The following SLC5A10 variants were observed in gnomAD, a reference collection of about 807,000 sequenced individuals.
SLC5A10 encodes solute carrier family 5 member 10.
SLC5A10 carries 55 observed loss-of-function variants against 68.9 expected under a neutral mutation model. That is an observed-to-expected ratio of 0.80 (90% CI 0.64 to 1.00). SLC5A10 has a LOEUF of 1.00. Ranked by LOEUF, SLC5A10 falls within the 50% of genes least tolerant of loss-of-function variation. The probability of loss-of-function intolerance (pLI) is 0.00; values close to 1 mark genes in which losing one functional copy is unlikely to be tolerated. For synonymous variants in SLC5A10, 344 were observed against 344.8 expected (o/e 1.00, Z 0.02); for missense variants, 732 against 819.3 (o/e 0.89, Z 1.30).
intron 9 of SLC5A10, among the ~76,000 whole-genome samples, chr17:19,002,257 G>C (rs2043749521): frequency 6.6e-6 from 1 of 152,152 alleles, no homozygotes; most frequent in African/African-American, 2.4e-5. Context: ...AGCTGCCCAG[G>C]GTCAGTCAGT....
In SLC5A10 at chr17:18,952,278, A is replaced by G. The variant is rs763424021; in HGVS notation, c.73A>G (p.Thr25Ala). The change falls in exon 1 of 15, where the codon ACT (threonine) becomes GCT (alanine). Residue 25 changes from threonine (T) to alanine (A), a missense_variant. Physicochemically the swap from Thr to Ala is moderately conservative, Grantham distance 58 (BLOSUM62 0). Coordinates refer to ENST00000395645, the MANE Select transcript of SLC5A10 (RefSeq NM_001042450.4). ...QLSVADIIVI[T>A]VYFALNVAVG... ...GAGCGTGGCTGACATCATCGTCATCACTGTGTATTTTGCTCTGAATGTGGC... is the reference window on the plus strand; with the variant it reads ...GAGCGTGGCTGACATCATCGTCATCGCTGTGTATTTTGCTCTGAATGTGGC... 10 of 1,613,694 alleles carry G rather than the reference A, an allele frequency of 6.2e-6. No homozygotes were observed. Among genetic ancestry groups the G allele is most frequent in the Admixed American group, 5.0e-5 (3 of 59,968 alleles).
chr17:18,973,645 A>G (rs1272378902), intron 8 of SLC5A10, among the ~76,000 whole-genome samples: 2 of 152,186 alleles, frequency 1.3e-5, no homozygotes, highest in Admixed American at 6.5e-5. Flanking sequence ...CCTCAAAGAT[A>G]GCCACAGTCT....
intron 8 of SLC5A10, chr17:18,975,927 G>C (rs557999845): frequency 6.6e-6 from 1 of 151,594 alleles, no homozygotes; most frequent in Non-Finnish European, 1.5e-5. Flanking sequence ...GGTGGCTCAC[G>C]CTTGTAATCC....
chr17:18,968,822 T>A lies in SLC5A10; in HGVS notation c.454-230T>A. ...AAGGCATTGGCCACTTTGGACTTTA[T>A]TAGCAACAGTAATGTCCCCTGACAT... On this transcript the variant is annotated intron_variant, in intron 5 of 14. Coordinates refer to ENST00000395645, the MANE Select transcript of SLC5A10 (RefSeq NM_001042450.4). This position sits in a 1 kb window ranked among gnomAD's most constrained non-coding sequence, Gnocchi z 4.1. 5 of 537,976 alleles carry A rather than the reference T, an allele frequency of 9.3e-6. No individual in the cohort carries two copies. Among genetic ancestry groups the A allele is most frequent in the Non-Finnish European group, 1.6e-5 (5 of 304,282 alleles). The allele number at this position is 537,976 out of a possible 1,614,324, so 33.3% of individuals were successfully genotyped here. A position where few individuals can be genotyped will look rare whatever the true frequency, so the allele number is the denominator to read the frequency against.
At position 18,969,140 on chromosome 17, in the gene SLC5A10, C is replaced by G; in HGVS notation, c.542C>G (p.Ala181Gly). The G allele has an allele frequency of 6.2e-7, 1 of 1,614,006 alleles. No individual in the cohort carries two copies. Among genetic ancestry groups the G allele is most frequent in the Non-Finnish European group, 8.5e-7 (1 of 1,179,952 alleles). ...LSTILTLGIT[A>G]LYTIAGGLAA... ...ACCATCCTCACGCTCGGCATCACAG[C>G]CCTGTACACCATCGCAGGTATGGTG... is the stretch of plus-strand genomic sequence containing the variant. The change falls in exon 6 of 15, where the codon GCC (alanine) becomes GGC (glycine). Residue 181 changes from alanine (A) to glycine (G), a missense_variant. Physicochemically the swap from Ala to Gly is moderately conservative, Grantham distance 60 (BLOSUM62 0). Transcript: ENST00000395645.
intron 9 of SLC5A10, among the ~76,000 whole-genome samples, chr17:19,005,647 A>ACCCC (rs141784762): frequency 7.3e-5 from 10 of 137,022 alleles, no homozygotes; most frequent in African/African-American, 2.2e-4. Context: ...GTGCCCTCAA[A>ACCCC]CCCCCCCCCT....
rs755766055 is a variant in SLC5A10, at chr17:18,976,882, G to C, written c.875G>C (p.Arg292Pro). The C allele has an allele frequency of 1.9e-6, 3 of 1,613,444 alleles. No individual in the cohort carries two copies. Among genetic ancestry groups the C allele is most frequent in the South Asian group, 2.2e-5 (2 of 91,076 alleles). Residue 292 changes from arginine to proline, a missense_variant, in exon 9 of 15, where the codon CGG becomes CCG. By Grantham distance (103) the Arg-to-Pro change is moderately radical (BLOSUM62 -2). Transcript: ENST00000395645. Reference sequence around the variant, plus strand: ...ATCGTGCAGCGATCACTGTCAGCCCGGGACCTGAACCATGCCAAGGCGGGC... The same window carrying C: ...ATCGTGCAGCGATCACTGTCAGCCCCGGACCTGAACCATGCCAAGGCGGGC... Reference protein sequence around the residue: ...QVIVQRSLSARDLNHAKAGSI... With the variant: ...QVIVQRSLSAPDLNHAKAGSI...
chr17:19,001,524 C>T (rs2043729165), intron 9 of SLC5A10, among the ~76,000 whole-genome samples: 3 of 152,228 alleles, frequency 2.0e-5, no homozygotes, highest in Admixed American at 2.0e-4. Context: ...GCCATGTAGA[C>T]AGACTGGCAC....
intron 5 of SLC5A10, among the ~76,000 whole-genome samples, chr17:18,966,015 C>T (rs1376758551): frequency 6.6e-6 from 1 of 152,226 alleles, no homozygotes; most frequent in Non-Finnish European, 1.5e-5. Flanking sequence ...CATCAGGGCG[C>T]CGTGTGGCAC....
upstream of SLC5A10, chr17:18,950,773 T>A: frequency 2.4e-6 from 2 of 828,684 alleles, no homozygotes; most frequent in Non-Finnish European, 2.9e-6. Context: ...TGGACTGCAA[T>A]GGCGCAGTCT....
chr17:18,970,286 T>C (rs1051022447), intron 7 of SLC5A10: 10 of 152,348 alleles, frequency 6.6e-5, no homozygotes, highest in African/African-American at 1.9e-4. Context: ...GGGGCTCTAG[T>C]GTCCCTGGGA....
intron 9 of SLC5A10, among the ~76,000 whole-genome samples, chr17:18,993,513 G>A (rs528643760): frequency 1.6e-4 from 25 of 152,212 alleles, no homozygotes; most frequent in Non-Finnish European, 3.2e-4. Context: ...CCCTAGAGGC[G>A]GCTCAGAGAG....
In SLC5A10 at chr17:19,020,565, C is replaced by G; in HGVS notation, c.*134C>G. ...CAGCAGCTCGGTGCCCAAGAACTGG[C>G]CAAGCCAGCAAAGCGGGAGCCCTGA... On this transcript the variant is annotated 3_prime_UTR_variant, in exon 15 of 15. Coordinates refer to ENST00000395645, the MANE Select transcript of SLC5A10 (RefSeq NM_001042450.4). 1 of 772,622 alleles carries G rather than the reference C, an allele frequency of 1.3e-6. No homozygotes were observed. The highest frequency in any genetic ancestry group is 2.0e-6 in the Non-Finnish European group (1 of 489,454). 47.9% of individuals were successfully genotyped at this position (772,622 alleles called of 1,614,324 possible). A position where few individuals can be genotyped will look rare whatever the true frequency, so the allele number is the denominator to read the frequency against.
intron 5 of SLC5A10, among the ~76,000 whole-genome samples, chr17:18,967,634 A>G (rs1303217904): frequency 6.6e-6 from 1 of 152,226 alleles, no homozygotes; most frequent in Non-Finnish European, 1.5e-5. Flanking sequence ...ACTGTAGGAC[A>G]GAAGCTTGCA....
At chr17:18,990,479 G>A (rs1225862353) in intron 9 of SLC5A10, among the ~76,000 whole-genome samples, 3 of 152,206 alleles carry the variant, frequency 2.0e-5, no homozygotes, top group South Asian at 2.1e-4. Context: ...TAATGAGGGC[G>A]CAGTAGGCAT....
intron 9 of SLC5A10, among the ~76,000 whole-genome samples, chr17:19,012,932 C>G (rs1168964894): frequency 6.6e-6 from 1 of 152,174 alleles, no homozygotes; most frequent in Non-Finnish European, 1.5e-5. Context: ...ACAGCACACT[C>G]AAGCCGGCTG....
At chr17:18,998,182 C>T (rs551105806) in intron 9 of SLC5A10, among the ~76,000 whole-genome samples, 2 of 152,384 alleles carry the variant, frequency 1.3e-5, no homozygotes, top group East Asian at 1.9e-4. Flanking sequence ...CTGGGGCCAA[C>T]GTGGGCCAGG....
rs989389672 is a variant in SLC5A10 at position 19,018,770 on chromosome 17, C to G, written c.1242-653C>G. The G allele has an allele frequency of 1.3e-5, 2 of 152,308 alleles. No homozygotes were observed. Among genetic ancestry groups the G allele is most frequent in the East Asian group, 3.9e-4 (2 of 5,188 alleles). 9.4% of individuals were successfully genotyped at this position (152,308 alleles called of 1,614,324 possible). On this transcript the variant is annotated intron_variant, in intron 11 of 14. Transcript: ENST00000395645. This position sits in a 1 kb window ranked among gnomAD's most constrained non-coding sequence, Gnocchi z 4.2. ...ACACCTCTGGCTCCAAACTTTGCAT[C>G]CTTAGTAAGCAGGTTGCCCTGTGAA...
Position 19,000,250 on chromosome 17 carries a change from TGA to T in SLC5A10, c.983-13156_983-13155del, listed in dbSNP as rs1336340154. Among the ~76,000 whole-genome samples, 2 of 152,082 alleles carry T rather than the reference TGA, an allele frequency of 1.3e-5. No homozygotes were observed. Among genetic ancestry groups the T allele is most frequent in the Non-Finnish European group, 2.9e-5 (2 of 67,992 alleles). ...AGGGAGGCTGGAGGGCACAAGCTGC[TGA>T]GAGTGAGACCTGGGACCCACCCGCC... On this transcript the variant is annotated intron_variant, in intron 9 of 14. Coordinates refer to ENST00000395645, the MANE Select transcript of SLC5A10 (RefSeq NM_001042450.4). The surrounding 1 kb of genome is among the most constrained non-coding windows in gnomAD (Gnocchi z 5.2).
Sources: gnomAD v4.1 joint callset for allele counts (sites outside exome capture counted in the v4.1 genomes callset) on GRCh38, gnomAD v4.1.1 for gene constraint, Gnocchi (gnomAD v3.1) non-coding constraint, MANE v1.5 for transcripts, NCBI Gene and HGNC (gene_info 2026-07-23, HGNC 2026-07-21) for gene names.